The following CWF19L1 variants were observed in gnomAD, a reference collection of about 807,000 sequenced individuals.
CWF19L1 encodes CWF19 like cell cycle control factor 1, also known as CWF19-like protein 1.
Under a neutral mutation model 69.7 loss-of-function variants are expected in CWF19L1, and 60 were observed. That is an observed-to-expected ratio of 0.86 (90% CI 0.70 to 1.07). The LOEUF is 1.07. Among genes scored for constraint, CWF19L1 ranks in the 50% least tolerant of loss-of-function variants. The pLI, the probability that CWF19L1 is intolerant of heterozygous loss-of-function variation, is 0.00. For missense variants in CWF19L1, 591 were observed against 638.9 expected (o/e 0.92, Z 0.81); for synonymous variants, 209 against 222.2 (o/e 0.94, Z 0.53).
intron 4 of CWF19L1, chr10:100,258,525 C>A (rs185470949): frequency 1.1e-4 from 17 of 152,230 alleles, no homozygotes; most frequent in Non-Finnish European, 2.9e-5. Flanking sequence ...AAATCTACAA[C>A]AGAATTTCAA....
intron 13 of CWF19L1, among the ~76,000 whole-genome samples, chr10:100,234,840 T>G (rs1846380543): frequency 6.6e-6 from 1 of 152,188 alleles, no homozygotes. Flanking sequence ...ATGTTTTGCC[T>G]GATACGAGGA....
At chr10:100,246,175 C>A (rs1030032812) in intron 8 of CWF19L1, 2 of 366,966 alleles carry the variant, frequency 5.5e-6, no homozygotes, top group Admixed American at 7.9e-5. Context: ...GTAATTCTTG[C>A]CTAAAGCAGA....
At chr10:100,248,348 T>C (rs927919748) in intron 7 of CWF19L1, 5 of 976,768 alleles carry the variant, frequency 5.1e-6, no homozygotes, top group Admixed American at 1.7e-5. Context: ...CCCTATATAA[T>C]GTGGATGCTG....
chr10:100,261,005 C>G lies in CWF19L1; in HGVS notation c.148G>C (p.Asp50His), dbSNP rs1847381019. The G allele has an allele frequency of 6.2e-7, 1 of 1,612,848 alleles. No homozygotes were observed. The highest frequency in any genetic ancestry group is 8.5e-7 in the Non-Finnish European group (1 of 1,179,172). The change falls in exon 3 of 14, where the codon GAT (aspartate) becomes CAT (histidine). Residue 50 changes from aspartate to histidine, a missense_variant. This residue lies in a region of CWF19L1 where 129 missense variants were observed against 131.3 expected (regional missense o/e 0.98). Coordinates refer to ENST00000354105, the MANE Select transcript of CWF19L1 (RefSeq NM_018294.6). The part of the protein sequence containing the change: ...CVGNFFGSTQ[D>H]AEWEEYKTGI... ...GTCTTATACTCCTCCCATTCAGCAT[C>G]TTGGGTGGAGCCAAAGAAATTTCCT...
chr10:100,267,558 C>A lies in CWF19L1; in HGVS notation c.23+13G>T. Reference sequence around the variant, plus strand: ...AGACACAGGGAGAGAGGCTTCCATTCACGGTCACTCACAGGCGCAGCGGTT... The same window carrying A: ...AGACACAGGGAGAGAGGCTTCCATTAACGGTCACTCACAGGCGCAGCGGTT... On this transcript the variant is annotated intron_variant, in intron 1 of 13. Coordinates refer to ENST00000354105, the MANE Select transcript of CWF19L1 (RefSeq NM_018294.6). The A allele has an allele frequency of 6.2e-7, 1 of 1,614,202 alleles. No individual in the cohort carries two copies. The highest frequency in any genetic ancestry group is 8.5e-7 in the Non-Finnish European group (1 of 1,180,038).
Position 100,245,790 on chromosome 10 carries a change from G to A in CWF19L1, c.964+9C>T. On this transcript the variant is annotated intron_variant, in intron 9 of 13. Coordinates refer to ENST00000354105, the MANE Select transcript of CWF19L1 (RefSeq NM_018294.6). ...TCATAGAAGAAACCTCTGGAATAAA[G>A]GTACTTACGAGGTTTGCGAGGCTGC... The A allele has an allele frequency of 6.3e-7, 1 of 1,599,526 alleles. No homozygotes were observed. Among genetic ancestry groups the A allele is most frequent in the Non-Finnish European group, 8.6e-7 (1 of 1,166,910 alleles).
Position 100,260,250 on chromosome 10 carries a change from C to A in CWF19L1, c.257G>T (p.Gly86Val). The A allele has an allele frequency of 6.2e-7, 1 of 1,610,852 alleles. No homozygotes were observed. ...AGTAATGTTTTCAGCTAATTCACAT[C>A]CATCAGCATCCTGGAAATATTTTAC... ...ETVKYFQDAD[G>V]CELAENITYL... Residue 86 changes from glycine to valine, a missense_variant, in exon 4 of 14, where the codon GGA (glycine) becomes GTA (valine). Coordinates refer to ENST00000354105, the MANE Select transcript of CWF19L1 (RefSeq NM_018294.6).
At chr10:100,244,199 T>C (rs758893435) in intron 9 of CWF19L1, among the ~76,000 whole-genome samples, 3 of 152,236 alleles carry the variant, frequency 2.0e-5, no homozygotes, top group Non-Finnish European at 4.4e-5. Context: ...AATGAAACAC[T>C]CTTAAAGTCC....
intron 9 of CWF19L1, among the ~76,000 whole-genome samples, chr10:100,245,332 G>A (rs147449611): frequency 1.1e-3 from 166 of 151,984 alleles, no homozygotes; most frequent in African/African-American, 3.6e-3. Context: ...GAATATCAAC[G>A]CTTTTATCCC....
chr10:100,241,000 C>CTTTTTTTT lies in CWF19L1; in HGVS notation c.1044+2690_1044+2697dup, dbSNP rs56262807. ...GACAGGAGTGTGCCACTAATTAAGC[C>CTTTTTTTT]TTTTTTTTTTTTTTTTTTTTTTTTT... On this transcript the variant is annotated intron_variant, in intron 10 of 13. Transcript: ENST00000354105. 1.1e-3 allele frequency among the ~76,000 whole-genome samples: 81 copies of CTTTTTTTT among 70,634 alleles called. 7 individuals are homozygous for CTTTTTTTT. The highest frequency in any genetic ancestry group is 4.4e-3 in the African/African-American group (69 of 15,576). 46.3% of individuals were successfully genotyped at this position (70,634 alleles called of 152,430 possible).
At chr10:100,265,471 C>T (rs915637917) in intron 1 of CWF19L1, among the ~76,000 whole-genome samples, 1 of 137,520 alleles carries the variant, frequency 7.3e-6, no homozygotes, top group South Asian at 2.1e-4. Context: ...GTGTCCTACA[C>T]AGGTTGTGCC....
At chr10:100,263,631 A>G (rs1370173580) in intron 1 of CWF19L1, among the ~76,000 whole-genome samples, 1 of 152,136 alleles carries the variant, frequency 6.6e-6, no homozygotes, top group Non-Finnish European at 1.5e-5. Flanking sequence ...TGGGAGATCC[A>G]CTGTCCAGTT....
intron 7 of CWF19L1, chr10:100,248,944 A>T: frequency 1.3e-6 from 1 of 770,942 alleles, no homozygotes; most frequent in Non-Finnish European, 2.3e-6. Context: ...CTCACTGGCC[A>T]CCGCAGGGAA....
At chr10:100,261,797 G>C (rs139030706) in intron 2 of CWF19L1, among the ~76,000 whole-genome samples, 182 bp downstream of exon 2, 149 of 152,258 alleles carry the variant, frequency 9.8e-4, no homozygotes, top group African/African-American at 3.3e-3. Context: ...AAGATCAATA[G>C]TAAACAGTAA....
At chr10:100,259,200 TA>T (rs11285407) in intron 4 of CWF19L1, among the ~76,000 whole-genome samples, 59,607 of 128,248 alleles carry the variant, frequency 0.46, 12,886 homozygotes, top group Non-Finnish European at 0.49. Context: ...GACACTGTCT[TA>T]AAAAAAAAAA....
chr10:100,232,316 G>C lies in CWF19L1; in HGVS notation c.*911C>G, dbSNP rs1045148696. The C allele has an allele frequency of 6.6e-6, 1 of 152,194 alleles. No homozygotes were observed. Among genetic ancestry groups the C allele is most frequent in the African/African-American group, 2.4e-5 (1 of 41,424 alleles). 9.4% of individuals were successfully genotyped at this position (152,194 alleles called of 1,614,324 possible). A position where few individuals can be genotyped will look rare whatever the true frequency, so the allele number is the denominator to read the frequency against. ...ACTTCTCAACCATGGAAAAACATCT[G>C]GATTTCATTTGGTAGTTTAAAGGTT... On this transcript the variant is annotated 3_prime_UTR_variant, in exon 14 of 14. Transcript: ENST00000354105.
intron 10 of CWF19L1, 29 bp downstream of exon 10, chr10:100,243,666 CCTT>C (rs202158645): frequency 0.012 from 18,843 of 1,573,958 alleles, 149 homozygotes; most frequent in Non-Finnish European, 0.015. Flanking sequence ...ATAGGCATCT[CCTT>C]CTCTATAAAG....
At chr10:100,243,632 CTCAATAAAG>C in intron 10 of CWF19L1, 57 bp downstream of exon 10, 1 of 1,352,682 alleles carries the variant, frequency 7.4e-7, no homozygotes, top group African/African-American at 1.4e-5. Flanking sequence ...TAGATTATGC[CTCAATAAAG>C]TTAATAAAAA....
intron 10 of CWF19L1, among the ~76,000 whole-genome samples, chr10:100,241,155 C>T (rs1389572896): frequency 5.9e-5 from 9 of 151,638 alleles, no homozygotes; most frequent in African/African-American, 1.7e-4. Flanking sequence ...TGCAGGCGCC[C>T]GCCACCACGC....
Sources: allele counts gnomAD v4.1 joint callset (sites outside exome capture counted in the v4.1 genomes callset), GRCh38; gene constraint gnomAD v4.1.1; regional missense constraint gnomAD v4.1.1; transcripts MANE v1.5; gene names NCBI Gene and HGNC (gene_info 2026-07-23, HGNC 2026-07-21).